The following NRG3 variants were observed in gnomAD, a reference collection of about 807,000 sequenced individuals.
NRG3 encodes the protein neuregulin 3.
NRG3 carries 31 observed loss-of-function variants against 66.9 expected under a neutral mutation model. That is an observed-to-expected ratio of 0.46 (90% CI 0.35 to 0.63). NRG3 has a LOEUF of 0.63. Ranked by LOEUF, NRG3 falls within the 20% of genes least tolerant of loss-of-function variation. The probability of loss-of-function intolerance (pLI) is 0.00; values close to 1 mark genes in which losing one functional copy is unlikely to be tolerated. For synonymous variants in NRG3, 393 were observed against 359.4 expected (o/e 1.09, Z -1.06); for missense variants, 910 against 878.9 (o/e 1.04, Z -0.45).
At chr10:82,239,616 A>G (rs184290173) in intron 1 of NRG3, among the ~76,000 whole-genome samples, 1 of 152,188 alleles carries the variant, frequency 6.6e-6, no homozygotes, top group Admixed American at 6.5e-5. Flanking sequence ...GGCAGTCTTA[A>G]ATATCACAAA....
intron 4 of NRG3, among the ~76,000 whole-genome samples, chr10:82,868,650 A>C (rs1840998228): frequency 6.6e-6 from 1 of 152,110 alleles, no homozygotes; most frequent in Admixed American, 6.5e-5. Flanking sequence ...GAATATGTAA[A>C]ATTCTGTTTG....
chr10:82,017,999 C>T (rs9664256), intron 1 of NRG3, among the ~76,000 whole-genome samples: 76,288 of 151,844 alleles, frequency 0.5, 19,682 homozygotes, highest in Admixed American at 0.62. Context: ...GTGTTTTAGA[C>T]GTGAATTTCT....
rs549064512 is a variant in NRG3 at position 82,507,588 on chromosome 10, C to T, written c.953+148720C>T. Among the ~76,000 whole-genome samples the T allele has an allele frequency of 4.6e-5, 7 of 152,262 alleles. No individual in the cohort carries two copies. In the East Asian group the frequency reaches 7.8e-4, roughly 17 times the overall value. ...CCACATCTGACTCTGCTAAACACAG[C>T]AGACCCAAGGGTGGGAGGCCACTGA... On this transcript the variant is annotated intron_variant, in intron 2 of 8. Coordinates refer to ENST00000372141, the MANE Select transcript of NRG3 (RefSeq NM_001010848.4).
At chr10:82,685,136 G>A (rs2054415014) in intron 2 of NRG3, among the ~76,000 whole-genome samples, 1 of 146,846 alleles carries the variant, frequency 6.8e-6, no homozygotes, top group African/African-American at 2.6e-5. Context: ...AATAGACAGA[G>A]GCCCCCCCCA....
chr10:82,783,243 C>T (rs1302470061), intron 3 of NRG3, among the ~76,000 whole-genome samples: 1 of 151,494 alleles, frequency 6.6e-6, no homozygotes, highest in African/African-American at 2.4e-5. Flanking sequence ...AACCCACAGC[C>T]AATATCATAC....
At chr10:82,180,219 T>G (rs953861965) in intron 1 of NRG3, among the ~76,000 whole-genome samples, 7 of 151,810 alleles carry the variant, frequency 4.6e-5, no homozygotes. Flanking sequence ...TTTCTTTTCA[T>G]TTTTGATTAT....
intron 2 of NRG3, among the ~76,000 whole-genome samples, chr10:82,701,349 A>T (rs1000671826): frequency 6.6e-6 from 1 of 152,042 alleles, no homozygotes; most frequent in South Asian, 2.1e-4. Context: ...TTTACTTTAA[A>T]CTTTTCCCAG....
chr10:82,599,913 A>G (rs1308666692), intron 2 of NRG3, among the ~76,000 whole-genome samples: 1 of 152,208 alleles, frequency 6.6e-6, no homozygotes, highest in East Asian at 1.9e-4. Flanking sequence ...TTAGAATGAT[A>G]TTAAGCATCA....
At chr10:82,355,272 G>C (rs1158718650) in intron 1 of NRG3, among the ~76,000 whole-genome samples, 1 of 152,100 alleles carries the variant, frequency 6.6e-6, no homozygotes, top group African/African-American at 2.4e-5. Flanking sequence ...CAAATGTTCC[G>C]TGTTTCTTCT....
intron 2 of NRG3, among the ~76,000 whole-genome samples, chr10:82,694,689 G>T (rs2055230174): frequency 6.6e-6 from 1 of 152,136 alleles, no homozygotes; most frequent in Non-Finnish European, 1.5e-5. Context: ...GAAGGTTGAG[G>T]CTGCACTGAG....
chr10:82,491,734 G>C (rs1590331108), intron 2 of NRG3, among the ~76,000 whole-genome samples: 1 of 151,860 alleles, frequency 6.6e-6, no homozygotes, highest in East Asian at 1.9e-4. Flanking sequence ...CATTTAATGG[G>C]GTTGGTCAGT....
intron 2 of NRG3, among the ~76,000 whole-genome samples, chr10:82,491,293 A>AATATATATATATATATATATATATAT (rs10652539): frequency 2.7e-4 from 22 of 82,192 alleles, no homozygotes; most frequent in African/African-American, 7.7e-4. Flanking sequence ...GTTCCCATAA[A>AATATATATATATATATATATATATAT]ATATATATAT....
At chr10:82,185,771 C>T (rs1412637752) in intron 1 of NRG3, among the ~76,000 whole-genome samples, 1 of 152,112 alleles carries the variant, frequency 6.6e-6, no homozygotes, top group Admixed American at 6.5e-5. Context: ...CACATTACTT[C>T]AGAAATGCTC....
chr10:82,951,191 TAA>T (rs1171740300), intron 4 of NRG3, among the ~76,000 whole-genome samples: 3 of 152,244 alleles, frequency 2.0e-5, no homozygotes, highest in Non-Finnish European at 4.4e-5. Context: ...CAGTAAATCC[TAA>T]AGTCATAGAA....
chr10:82,274,761 C>T (rs1289363467), intron 1 of NRG3, among the ~76,000 whole-genome samples: 4 of 151,960 alleles, frequency 2.6e-5, no homozygotes, highest in African/African-American at 9.7e-5. Flanking sequence ...ATTTTGTTGT[C>T]CCTATGTTTT....
At chr10:82,947,094 A>G (rs1849099637) in intron 4 of NRG3, among the ~76,000 whole-genome samples, 1 of 152,110 alleles carries the variant, frequency 6.6e-6, no homozygotes, top group South Asian at 2.1e-4. Flanking sequence ...CCCCACATCA[A>G]TTTGTAATCT....
At chr10:82,558,074 A>G (rs1158708051) in intron 2 of NRG3, among the ~76,000 whole-genome samples, 1 of 152,208 alleles carries the variant, frequency 6.6e-6, no homozygotes, top group East Asian at 1.9e-4. Flanking sequence ...CTAGGATTTG[A>G]CATTTCTAAC....
At chr10:82,067,386 C>T (rs1312723793) in intron 1 of NRG3, among the ~76,000 whole-genome samples, 1 of 152,186 alleles carries the variant, frequency 6.6e-6, no homozygotes, top group Non-Finnish European at 1.5e-5. Context: ...GCTTTGGAGA[C>T]AGAGCCTTGC....
intron 1 of NRG3, among the ~76,000 whole-genome samples, chr10:82,283,727 A>G (rs1208637036): frequency 6.6e-6 from 1 of 152,130 alleles, no homozygotes; most frequent in Non-Finnish European, 1.5e-5. Flanking sequence ...GGGTCATGGA[A>G]GTAGCCTGTT....
Sources: allele counts gnomAD v4.1 joint callset (sites outside exome capture counted in the v4.1 genomes callset), GRCh38; gene constraint gnomAD v4.1.1; transcripts MANE v1.5; gene names NCBI Gene and HGNC (gene_info 2026-07-23, HGNC 2026-07-21).